Variants in ACO1 observed in about 807,000 individuals in gnomAD.
ACO1 encodes cytoplasmic aconitate hydratase.
Under a neutral mutation model 105.1 loss-of-function variants are expected in ACO1, and 78 were observed. The ratio of observed to expected loss-of-function variants is 0.74; its 90% CI spans 0.62 to 0.90. The LOEUF (loss-of-function observed/expected upper bound fraction) is 0.90, where lower values mean the gene tolerates loss of function less well. Among genes scored for constraint, ACO1 ranks in the 40% least tolerant of loss-of-function variants. The pLI, the probability that ACO1 is intolerant of heterozygous loss-of-function variation, is 0.00. For missense variants in ACO1, 965 were observed against 1,111.1 expected (o/e 0.87, Z 1.87); for synonymous variants, 364 against 397.4 (o/e 0.92, Z 1.00).
chr9:32,386,923 G>A (rs1821167346), intron 1 of ACO1, among the ~76,000 whole-genome samples: 1 of 152,168 alleles, frequency 6.6e-6, no homozygotes. Context: ...GATAACTGCT[G>A]GTTAATTGAG....
intron 19 of ACO1, among the ~76,000 whole-genome samples, chr9:32,444,654 C>G (rs961073364): frequency 6.6e-6 from 1 of 152,082 alleles, no homozygotes; most frequent in African/African-American, 2.4e-5. Flanking sequence ...CCTTCACCCA[C>G]TTTTTGATGG....
Position 32,423,230 on chromosome 9 carries a change from A to G in ACO1, c.971-89A>G, listed in dbSNP as rs139710893. On this transcript the variant is annotated intron_variant, in intron 8 of 20. Coordinates refer to ENST00000309951, the MANE Select transcript of ACO1 (RefSeq NM_002197.3). ...TAAGTGCAGCGTATGTTGCGTACTTACATAATTGCTAATGGAAGTATCAGT... is the reference window on the plus strand; with the variant it reads ...TAAGTGCAGCGTATGTTGCGTACTTGCATAATTGCTAATGGAAGTATCAGT... The G allele has an allele frequency of 6.2e-4, 435 of 696,840 alleles. 1 individual carries two copies. The African/African-American group carries it at 7.2e-3, about 12-fold the overall frequency. 43.2% of individuals were successfully genotyped at this position (696,840 alleles called of 1,614,324 possible).
intron 1 of ACO1, among the ~76,000 whole-genome samples, chr9:32,399,515 A>C (rs1353836363): frequency 1.3e-5 from 2 of 152,246 alleles, no homozygotes; most frequent in Non-Finnish European, 2.9e-5. Context: ...GGTGATATGC[A>C]AATCCTTTCA....
Position 32,443,380 on chromosome 9 carries a change from T to C in ACO1, c.2370+2793T>C, listed in dbSNP as rs555182085. On this transcript the variant is annotated intron_variant, in intron 19 of 20. Transcript: ENST00000309951. ...TTAGACATCTGATTTCACTGAAATA[T>C]AGCACACAATTACTGGAAATGAGGG... Among the ~76,000 whole-genome samples, 14 of 152,264 alleles carry C rather than the reference T, an allele frequency of 9.2e-5. No individual in the cohort carries two copies. The East Asian group carries it at 2.7e-3, about 29-fold the overall frequency.
chr9:32,405,702 G>C (rs899402791), intron 2 of ACO1, 99 bp downstream of exon 2: 5 of 818,882 alleles, frequency 6.1e-6, no homozygotes, highest in Non-Finnish European at 5.8e-6. Flanking sequence ...GGGAGTAGCA[G>C]AGAATGGGTG....
chr9:32,437,142 G>A (rs2118542628), intron 18 of ACO1, among the ~76,000 whole-genome samples: 1 of 152,214 alleles, frequency 6.6e-6, no homozygotes, highest in South Asian at 2.1e-4. Flanking sequence ...ATATGTCTAT[G>A]GCACTTAACT....
Position 32,419,159 on chromosome 9 carries a change from C to T in ACO1, c.780C>T (p.Ile260=), listed in dbSNP as rs747053727. The change falls in exon 7 of 21, where the codon ATC becomes ATT. Residue 260 remains isoleucine, a synonymous_variant. Transcript: ENST00000309951. The part of the protein sequence containing the change: ...KPHPLVTSTD[I]VLTITKHLRQ... Reference sequence around the variant, plus strand: ...ACCCTCTGGTAACATCCACTGACATCGTGCTCACCATTACCAAGGTAACAA... The same window carrying T: ...ACCCTCTGGTAACATCCACTGACATTGTGCTCACCATTACCAAGGTAACAA... 31 of 1,595,350 alleles carry T rather than the reference C, an allele frequency of 1.9e-5. No homozygotes were observed. The highest frequency in any genetic ancestry group is 2.4e-5 in the Non-Finnish European group (28 of 1,170,496).
chr9:32,438,557 T>C (rs1007055816), intron 18 of ACO1, among the ~76,000 whole-genome samples: 1 of 152,186 alleles, frequency 6.6e-6, no homozygotes, highest in South Asian at 2.1e-4. Context: ...TGAATATCTT[T>C]AAAGGTGATT....
chr9:32,430,528 T>C lies in ACO1; in HGVS notation c.1680T>C (p.Tyr560=), dbSNP rs1275616469. 3.1e-6 allele frequency: 5 copies of C among 1,609,456 alleles called. No homozygotes were observed. Among genetic ancestry groups the C allele is most frequent in the Non-Finnish European group, 4.2e-6 (5 of 1,178,254 alleles). Residue 560 remains tyrosine (Y), a synonymous_variant, in exon 14 of 21, where the codon TAT becomes TAC. Transcript: ENST00000309951. Reference sequence around the variant, plus strand: ...CCTCTCCCCCCTTAGTAATAGCATATGCAATTGCTGGAACCATCAGAATCG... The same window carrying C: ...CCTCTCCCCCCTTAGTAATAGCATACGCAATTGCTGGAACCATCAGAATCG... The part of the protein sequence containing the change: ...YLASPPLVIA[Y]AIAGTIRIDF...
At chr9:32,445,589 A>T in intron 19 of ACO1, 1 of 309,366 alleles carries the variant, frequency 3.2e-6, no homozygotes, top group Non-Finnish European at 6.6e-6. Flanking sequence ...GATTTTTTGA[A>T]CAGTTTCTGG....
rs1293526265 is a variant in ACO1 at position 32,413,925 on chromosome 9, G to A, written c.405-4203G>A. Among the ~76,000 whole-genome samples, 20 of 151,912 alleles carry A rather than the reference G, an allele frequency of 1.3e-4. 1 individual carries two copies. ...AGCACTTTGGGAGGCTGAGGCAGGGGGATCATGAGGTCAGGAGATCAAGAC... is the reference window on the plus strand; with the variant it reads ...AGCACTTTGGGAGGCTGAGGCAGGGAGATCATGAGGTCAGGAGATCAAGAC... On this transcript the variant is annotated intron_variant, in intron 4 of 20. Transcript: ENST00000309951.
chr9:32,399,641 C>A (rs949953206), intron 1 of ACO1, among the ~76,000 whole-genome samples: 2 of 152,122 alleles, frequency 1.3e-5, no homozygotes, highest in Non-Finnish European at 2.9e-5. Flanking sequence ...TACTTGGAAA[C>A]AACCTAAGTA....
intron 19 of ACO1, among the ~76,000 whole-genome samples, chr9:32,446,173 TTC>T (rs1271723052): frequency 2.0e-5 from 3 of 152,216 alleles, no homozygotes; most frequent in African/African-American, 7.2e-5. Context: ...CTTGTTAACT[TTC>T]TGTCTTGTTG....
At chr9:32,449,200 G>C (rs1351808265) in intron 20 of ACO1, 119 bp downstream of exon 20, 7 of 948,992 alleles carry the variant, frequency 7.4e-6, no homozygotes, top group Non-Finnish European at 9.2e-6. Context: ...CAGGAGGACT[G>C]CATTAGACTT....
At chr9:32,386,347 C>A (rs1194051905) in intron 1 of ACO1, 1 of 152,216 alleles carries the variant, frequency 6.6e-6, no homozygotes, top group African/African-American at 2.4e-5. Context: ...CCAGTCTTGA[C>A]GTTCTTTCAC....
chr9:32,440,559 A>C lies in ACO1; in HGVS notation c.2342A>C (p.Asp781Ala). Residue 781 changes from aspartate to alanine, a missense_variant, in exon 19 of 21, where the codon GAC becomes GCC. Transcript: ENST00000309951. Reference protein sequence around the residue: ...GKEYGAGSSRDWAAKGPFLLG... With the variant: ...GKEYGAGSSRAWAAKGPFLLG... ...GAGTACGGTGCAGGCAGCTCCCGAGACTGGGCAGCTAAGGGCCCTTTCCTG... is the reference window on the plus strand; with the variant it reads ...GAGTACGGTGCAGGCAGCTCCCGAGCCTGGGCAGCTAAGGGCCCTTTCCTG... 1 of 1,613,902 alleles carries C rather than the reference A, an allele frequency of 6.2e-7. No homozygotes were observed. Among genetic ancestry groups the C allele is most frequent in the Non-Finnish European group, 8.5e-7 (1 of 1,179,922 alleles).
chr9:32,418,323 C>A lies in ACO1; in HGVS notation c.475-5C>A. 1 of 1,613,938 alleles carries A rather than the reference C, an allele frequency of 6.2e-7. No homozygotes were observed. The highest frequency in any genetic ancestry group is 1.1e-5 in the South Asian group (1 of 91,040). On this transcript the variant is annotated splice_polypyrimidine_tract_variant and splice_region_variant and intron_variant, in intron 5 of 20. Coordinates refer to ENST00000309951, the MANE Select transcript of ACO1 (RefSeq NM_002197.3). ...CATAGTGTTCTTTCCATTTGTCAAT[C>A]CCAGTGGGGTTCCCAGGCTTTTCAC...
intron 18 of ACO1, 104 bp from the exon 19 acceptor site, chr9:32,440,361 G>T: frequency 5.6e-6 from 7 of 1,257,068 alleles, no homozygotes; most frequent in Non-Finnish European, 7.8e-6. Context: ...GACGGATTTG[G>T]CCATCTGCAA....
At position 32,423,815 on chromosome 9, in the gene ACO1, C is replaced by T. The variant is rs528496971; in HGVS notation, c.1071+396C>T. On this transcript the variant is annotated intron_variant, in intron 9 of 20. Coordinates refer to ENST00000309951, the MANE Select transcript of ACO1 (RefSeq NM_002197.3). ...AAATTTGGGTACAGTGTACACTGCT[C>T]AGGTGATGGATGCACCAAAACCTCA... Among the ~76,000 whole-genome samples, 222 of 152,282 alleles carry T rather than the reference C, an allele frequency of 1.5e-3. 1 individual carries two copies. The highest frequency in any genetic ancestry group is 5.2e-3 in the African/African-American group (214 of 41,552).
Sources: gnomAD v4.1 joint callset for allele counts (sites outside exome capture counted in the v4.1 genomes callset) on GRCh38, gnomAD v4.1.1 for gene constraint, MANE v1.5 for transcripts, NCBI Gene and HGNC (gene_info 2026-07-23, HGNC 2026-07-21) for gene names.